The following MBD5 variants were observed in gnomAD, a reference collection of about 807,000 sequenced individuals.
MBD5 encodes the protein methyl-CpG-binding domain protein 5.
A neutral mutation model predicts 117.3 loss-of-function variants in MBD5; 13 were observed. The observed-to-expected ratio is 0.11, with a 90% CI of 0.07 to 0.18. MBD5 has a LOEUF of 0.18. Among genes scored for constraint, MBD5 ranks in the 10% least tolerant of loss-of-function variants. MBD5 has a pLI of 1.00. For missense variants in MBD5, 1,879 were observed against 2,093.8 expected (o/e 0.90, Z 2.00); for synonymous variants, 727 against 766.4 (o/e 0.95, Z 0.85).
At chr2:148,134,696 T>C (rs1430755629) in intron 1 of MBD5, among the ~76,000 whole-genome samples, 1 of 152,182 alleles carries the variant, frequency 6.6e-6, no homozygotes, top group Non-Finnish European at 1.5e-5. Flanking sequence ...GTTCAATACT[T>C]TTGGTTTTAG....
At chr2:148,357,489 T>G (rs1703415114) in intron 4 of MBD5, among the ~76,000 whole-genome samples, 1 of 152,068 alleles carries the variant, frequency 6.6e-6, no homozygotes. Flanking sequence ...TATTTTGCAA[T>G]TCCTGATATG....
intron 4 of MBD5, among the ~76,000 whole-genome samples, chr2:148,397,325 C>CTTTTT (rs34236548): frequency 5.0e-5 from 5 of 100,670 alleles, no homozygotes; most frequent in Admixed American, 1.1e-4. Context: ...TCTTCTGATC[C>CTTTTT]TTTTTTTTTT....
At position 148,504,372 on chromosome 2, in the gene MBD5, G is replaced by A. The variant is rs1037971189; in HGVS notation, c.5036+1863G>A. Among the ~76,000 whole-genome samples, 10 of 152,308 alleles carry A rather than the reference G, an allele frequency of 6.6e-5. No homozygotes were observed. The South Asian group carries it at 1.2e-3, about 19-fold the overall frequency. On this transcript the variant is annotated intron_variant, in intron 12 of 13. Coordinates refer to ENST00000642680, the MANE Select transcript of MBD5 (RefSeq NM_001378120.1). ...TTCATCATTTTATTCTCCCAGTCAC[G>A]AGATGGGTCAAAATTACTGAGCCAT...
At chr2:148,447,944 T>C (rs886707140) in intron 4 of MBD5, among the ~76,000 whole-genome samples, 2 of 152,108 alleles carry the variant, frequency 1.3e-5, no homozygotes, top group Non-Finnish European at 2.9e-5. Flanking sequence ...TTTGCTTTTC[T>C]TCAGTACATC....
At chr2:148,237,732 G>C (rs1381860131) in intron 3 of MBD5, among the ~76,000 whole-genome samples, 1 of 152,176 alleles carries the variant, frequency 6.6e-6, no homozygotes, top group Non-Finnish European at 1.5e-5. Context: ...CGATGGACTT[G>C]CTCAGTGCAG....
intron 3 of MBD5, among the ~76,000 whole-genome samples, chr2:148,292,719 A>G (rs542120178): frequency 2.0e-5 from 3 of 152,284 alleles, no homozygotes; most frequent in Admixed American, 1.3e-4. Flanking sequence ...ACTGCTGAGT[A>G]TATACCCAAA....
chr2:148,431,499 C>A lies in MBD5; in HGVS notation c.-556-26704C>A, dbSNP rs1443597411. Among the ~76,000 whole-genome samples, 3 of 152,056 alleles carry A rather than the reference C, an allele frequency of 2.0e-5. 1 individual carries two copies. Among genetic ancestry groups the A allele is most frequent in the Admixed American group, 2.0e-4 (3 of 15,230 alleles). ...ACAGTTTCATCACCCAGGTAATAAG[C>A]ATACTACCTGATAGGTATTTTTTCT... On this transcript the variant is annotated intron_variant, in intron 4 of 13. Transcript: ENST00000642680.
At chr2:148,118,435 A>AATATAT (rs1553474121) in intron 1 of MBD5, among the ~76,000 whole-genome samples, 4 of 148,574 alleles carry the variant, frequency 2.7e-5, no homozygotes, top group African/African-American at 9.9e-5. Context: ...CATAAAAAAA[A>AATATAT]ATATATATAT....
chr2:148,128,052 A>G (rs1298652614), intron 1 of MBD5, among the ~76,000 whole-genome samples: 1 of 152,092 alleles, frequency 6.6e-6, no homozygotes, highest in Non-Finnish European at 1.5e-5. Flanking sequence ...GTGTCTGTTC[A>G]TGTCCTTTGC....
chr2:148,370,747 C>T (rs897293764), intron 4 of MBD5, among the ~76,000 whole-genome samples: 3 of 152,180 alleles, frequency 2.0e-5, no homozygotes, highest in Non-Finnish European at 4.4e-5. Context: ...CCTCAGCCTC[C>T]CAGATTACTG....
chr2:148,104,559 C>T (rs1460819402), intron 1 of MBD5, among the ~76,000 whole-genome samples: 1 of 152,102 alleles, frequency 6.6e-6, no homozygotes, highest in Non-Finnish European at 1.5e-5. Context: ...TTTTAACACC[C>T]AATCTTAACA....
chr2:148,507,446 A>T (rs1448416578), intron 12 of MBD5, among the ~76,000 whole-genome samples: 1 of 152,262 alleles, frequency 6.6e-6, no homozygotes, highest in Non-Finnish European at 1.5e-5. Context: ...ATTAAATGAG[A>T]TAATGTATAT....
chr2:148,384,502 G>A (rs1704275988), intron 4 of MBD5, among the ~76,000 whole-genome samples: 1 of 152,160 alleles, frequency 6.6e-6, no homozygotes, highest in African/African-American at 2.4e-5. Context: ...CTCATGGATA[G>A]GAAGAATAAA....
At chr2:148,281,659 G>T (rs982384105) in intron 3 of MBD5, among the ~76,000 whole-genome samples, 1 of 151,916 alleles carries the variant, frequency 6.6e-6, no homozygotes, top group Non-Finnish European at 1.5e-5. Context: ...CATTTTGCAG[G>T]TTCATCCTGA....
At chr2:148,176,350 G>C (rs1416501138) in intron 1 of MBD5, among the ~76,000 whole-genome samples, 1 of 128,410 alleles carries the variant, frequency 7.8e-6, no homozygotes, top group African/African-American at 2.9e-5. Flanking sequence ...TGGTATATGT[G>C]TATGAATATA....
chr2:148,052,242 C>T (rs1449616664), intron 1 of MBD5, among the ~76,000 whole-genome samples: 4 of 112,554 alleles, frequency 3.6e-5, no homozygotes, highest in Non-Finnish European at 6.8e-5. Context: ...TGGAGTCTCA[C>T]TCTTGTAGCC....
At chr2:148,410,932 T>A (rs1705227717) in intron 4 of MBD5, among the ~76,000 whole-genome samples, 1 of 151,552 alleles carries the variant, frequency 6.6e-6, no homozygotes, top group South Asian at 2.1e-4. Flanking sequence ...TTACAGGGAG[T>A]TGGTGTACAG....
At chr2:148,392,190 C>G (rs1559052097) in intron 4 of MBD5, among the ~76,000 whole-genome samples, 1 of 152,048 alleles carries the variant, frequency 6.6e-6, no homozygotes, top group Non-Finnish European at 1.5e-5. Flanking sequence ...TTCATTATTG[C>G]TATAGTTATT....
intron 1 of MBD5, among the ~76,000 whole-genome samples, chr2:148,058,484 G>C (rs1418545502): frequency 6.6e-6 from 1 of 151,804 alleles, no homozygotes; most frequent in East Asian, 1.9e-4. Flanking sequence ...GCCCTAATAG[G>C]TGAATTTTTT....
Sources: gnomAD v4.1 joint callset for allele counts (sites outside exome capture counted in the v4.1 genomes callset) on GRCh38, gnomAD v4.1.1 for gene constraint, MANE v1.5 for transcripts, NCBI Gene and HGNC (gene_info 2026-07-23, HGNC 2026-07-21) for gene names.